PRKG1: variants seen among roughly 807,000 people sequenced by gnomAD.
The protein encoded by PRKG1 is cGMP-dependent protein kinase 1.
A neutral mutation model predicts 88.1 loss-of-function variants in PRKG1; 35 were observed. The observed-to-expected ratio is 0.40, with a 90% CI of 0.30 to 0.53. PRKG1 has a LOEUF of 0.53. Ranked by LOEUF, PRKG1 falls within the 20% of genes least tolerant of loss-of-function variation. The pLI is 0.59. For missense variants in PRKG1, 540 were observed against 839.8 expected (o/e 0.64, Z 4.41); for synonymous variants, 303 against 292.5 (o/e 1.04, Z -0.37).
intron 1 of PRKG1, among the ~76,000 whole-genome samples, chr10:51,050,148 T>G (rs989045648): frequency 6.6e-6 from 1 of 151,870 alleles, no homozygotes; most frequent in African/African-American, 2.4e-5. Flanking sequence ...TATTCTATCA[T>G]GTATTTTATT....
intron 5 of PRKG1, among the ~76,000 whole-genome samples, chr10:51,933,209 C>T (rs7920008): frequency 0.46 from 69,128 of 151,896 alleles, 16,613 homozygotes; most frequent in African/African-American, 0.6. Context: ...TTCTGGCCAG[C>T]TCTTGCTGTG....
intron 3 of PRKG1, among the ~76,000 whole-genome samples, chr10:51,802,039 C>T (rs1251339782): frequency 6.6e-6 from 1 of 152,120 alleles, no homozygotes; most frequent in Admixed American, 6.5e-5. Flanking sequence ...GAGATTAACA[C>T]ATCACTTAAG....
At chr10:51,790,862 T>C (rs1241407583) in intron 3 of PRKG1, among the ~76,000 whole-genome samples, 3 of 152,190 alleles carry the variant, frequency 2.0e-5, no homozygotes, top group African/African-American at 7.2e-5. Context: ...GTTCAATTGC[T>C]CCTTTGAGAT....
At chr10:51,801,341 C>T (rs976985190) in intron 3 of PRKG1, among the ~76,000 whole-genome samples, 4 of 151,920 alleles carry the variant, frequency 2.6e-5, no homozygotes, top group South Asian at 4.1e-4. Flanking sequence ...TCATGTGTCA[C>T]GAAATATGCT....
chr10:51,697,511 C>T, intron 3 of PRKG1: 1 of 614,722 alleles, frequency 1.6e-6, no homozygotes, highest in Non-Finnish European at 2.8e-6. Flanking sequence ...GCACTCCCTC[C>T]TCCCCCCACC....
rs919898614 is a variant in PRKG1 at position 51,944,324 on chromosome 10, G to A, written c.762+36754G>A. Among the ~76,000 whole-genome samples, 16 of 151,854 alleles carry A rather than the reference G, an allele frequency of 1.1e-4. No homozygotes were observed. The East Asian group carries it at 1.2e-3, about 11-fold the overall frequency. ...TATCCCCTTTATCATTTTTTATTGC[G>A]CCTATTTGATTCTTTTCTCTTTTCT... On this transcript the variant is annotated intron_variant, in intron 5 of 17. Transcript: ENST00000373980.
At chr10:51,018,326 AG>A (rs1385341713) in intron 1 of PRKG1, among the ~76,000 whole-genome samples, 1 of 152,084 alleles carries the variant, frequency 6.6e-6, no homozygotes, top group African/African-American at 2.4e-5. Context: ...CACAATGTCT[AG>A]GTAATTTTTA....
chr10:51,344,466 C>G lies in PRKG1; in HGVS notation c.479-123257C>G, dbSNP rs555710297. On this transcript the variant is annotated intron_variant, in intron 2 of 17. Coordinates refer to ENST00000373980, the MANE Select transcript of PRKG1 (RefSeq NM_006258.4). ...GAGCAAATAGTCAAACTATATCAGA[C>G]ACACTCAGGGCTTAAACGTTAGGAT... 8.7e-4 allele frequency among the ~76,000 whole-genome samples: 132 copies of G among 152,296 alleles called. 1 individual carries two copies. The highest frequency in any genetic ancestry group is 3.0e-3 in the African/African-American group (124 of 41,564).
chr10:52,080,421 G>A (rs763710879), intron 7 of PRKG1, among the ~76,000 whole-genome samples: 9 of 151,844 alleles, frequency 5.9e-5, no homozygotes, highest in Non-Finnish European at 1.0e-4. Context: ...CTAAACATAT[G>A]TTGAATTATT....
At chr10:51,414,722 T>TG (rs1838191632) in intron 2 of PRKG1, among the ~76,000 whole-genome samples, 1 of 152,208 alleles carries the variant, frequency 6.6e-6, no homozygotes, top group South Asian at 2.1e-4. Context: ...TACATCAAAC[T>TG]GGATGATTTT....
chr10:51,189,878 G>A (rs1480792866), intron 2 of PRKG1, among the ~76,000 whole-genome samples: 1 of 151,894 alleles, frequency 6.6e-6, no homozygotes, highest in African/African-American at 2.4e-5. Flanking sequence ...GACTCTGTAA[G>A]GGTGGCCTAC....
At chr10:51,192,000 G>A (rs1187590260) in intron 2 of PRKG1, among the ~76,000 whole-genome samples, 4 of 151,820 alleles carry the variant, frequency 2.6e-5, no homozygotes, top group Non-Finnish European at 5.9e-5. Flanking sequence ...CACTGAATCT[G>A]TAGTGCAGAT....
intron 2 of PRKG1, among the ~76,000 whole-genome samples, chr10:51,398,082 T>A (rs539711923): frequency 1.3e-3 from 196 of 152,280 alleles, no homozygotes; most frequent in Non-Finnish European, 2.5e-3. Context: ...ATTTTGTGCA[T>A]CTTTAAGGTA....
rs1257423369 is a variant in PRKG1, at chr10:51,061,247, G to A, written c.266+69603G>A. 2.0e-5 allele frequency among the ~76,000 whole-genome samples: 3 copies of A among 152,248 alleles called. No individual in the cohort carries two copies. In the East Asian group the frequency reaches 5.8e-4, roughly 29 times the overall value. On this transcript the variant is annotated intron_variant, in intron 1 of 17. Transcript: ENST00000401604. Reference sequence around the variant, plus strand: ...CAAAGGGACCTCTTACATGGCAGCAGGCAAAAGAGCATGTGCAGGGGAACT... The same window carrying A: ...CAAAGGGACCTCTTACATGGCAGCAAGCAAAAGAGCATGTGCAGGGGAACT...
At chr10:51,934,756 T>C (rs1293070977) in intron 5 of PRKG1, among the ~76,000 whole-genome samples, 3 of 152,156 alleles carry the variant, frequency 2.0e-5, no homozygotes, top group Non-Finnish European at 4.4e-5. Flanking sequence ...AAGGAGCATC[T>C]CTGATTGCTT....
intron 5 of PRKG1, among the ~76,000 whole-genome samples, chr10:52,015,936 A>C (rs1440264509): frequency 1.3e-5 from 2 of 152,182 alleles, no homozygotes; most frequent in Non-Finnish European, 2.9e-5. Flanking sequence ...ATCTGAGACC[A>C]CCTCAGCCTG....
intron 7 of PRKG1, chr10:52,128,596 A>G (rs1478937131): frequency 2.0e-6 from 2 of 983,260 alleles, no homozygotes; most frequent in African/African-American, 1.7e-5. Context: ...TTCATGCTCT[A>G]TTGTTTCACT....
upstream of PRKG1, among the ~76,000 whole-genome samples, chr10:51,074,152 A>T (rs1043147102): frequency 3.7e-5 from 5 of 135,766 alleles, no homozygotes; most frequent in African/African-American, 1.4e-4. Context: ...CGCGCCTCGG[A>T]GGCTTATCAG....
intron 1 of PRKG1, among the ~76,000 whole-genome samples, chr10:51,058,217 A>G (rs1843654302): frequency 2.0e-5 from 3 of 152,172 alleles, no homozygotes; most frequent in African/African-American, 7.2e-5. Flanking sequence ...TATGAGTTTT[A>G]GGAATTCAAG....
Sources: gnomAD v4.1 joint callset for allele counts (sites outside exome capture counted in the v4.1 genomes callset) on GRCh38, gnomAD v4.1.1 for gene constraint, MANE v1.5 for transcripts, NCBI Gene and HGNC (gene_info 2026-07-23, HGNC 2026-07-21) for gene names.